BRINP3: variants seen among roughly 807,000 people sequenced by gnomAD.
BRINP3 encodes BMP/retinoic acid inducible neural specific 3.
In BRINP3, 19 loss-of-function variants were observed where a neutral mutation model predicts 71.0. The observed-to-expected ratio is 0.27, with a 90% CI of 0.19 to 0.39. The LOEUF (loss-of-function observed/expected upper bound fraction) is 0.39. Ranked by LOEUF, BRINP3 falls within the 10% of genes least tolerant of loss-of-function variation. The pLI is 1.00. For missense variants in BRINP3, 959 were observed against 940.8 expected, an observed-to-expected ratio of 1.02 and a Z score of -0.25; for synonymous variants, 380 against 337.7, an observed-to-expected ratio of 1.13 and a Z score of -1.37.
At chr1:190,334,104 T>G (rs1449102616) in intron 2 of BRINP3, among the ~76,000 whole-genome samples, 1 of 151,862 alleles carries the variant, frequency 6.6e-6, no homozygotes. Flanking sequence ...TAAATAAAAT[T>G]TGTTTAAATA....
At chr1:190,382,662 T>C (rs192040865) in intron 2 of BRINP3, among the ~76,000 whole-genome samples, 306 of 152,288 alleles carry the variant, frequency 2.0e-3, no homozygotes, top group African/African-American at 7.0e-3. Flanking sequence ...AGCTGTCCTT[T>C]ATCTGACAAT....
At chr1:190,345,872 T>G (rs1558201927) in intron 2 of BRINP3, among the ~76,000 whole-genome samples, 1 of 151,942 alleles carries the variant, frequency 6.6e-6, no homozygotes, top group Non-Finnish European at 1.5e-5. Flanking sequence ...CTTTCAGTCC[T>G]AAAATTGATT....
chr1:190,152,011 T>C (rs1043843523), intron 7 of BRINP3, among the ~76,000 whole-genome samples: 7 of 152,176 alleles, frequency 4.6e-5, no homozygotes, highest in African/African-American at 1.2e-4. Context: ...GTTTATTTCC[T>C]AATTGTAAAA....
chr1:190,273,227 A>G (rs1662266837), intron 3 of BRINP3, among the ~76,000 whole-genome samples: 1 of 151,548 alleles, frequency 6.6e-6, no homozygotes, highest in South Asian at 2.1e-4. Context: ...CAATGTTCAG[A>G]TTCGAAAACT....
At chr1:190,425,708 G>A (rs1038444288) in intron 2 of BRINP3, among the ~76,000 whole-genome samples, 1 of 151,780 alleles carries the variant, frequency 6.6e-6, no homozygotes, top group African/African-American at 2.4e-5. Context: ...CACGTACAAT[G>A]TTGCACAACA....
intron 6 of BRINP3, among the ~76,000 whole-genome samples, chr1:190,189,992 T>C (rs1653893431): frequency 6.6e-6 from 1 of 152,132 alleles, no homozygotes; most frequent in South Asian, 2.1e-4. Flanking sequence ...TTACAACAGT[T>C]GTGGCACTGA....
intron 2 of BRINP3, among the ~76,000 whole-genome samples, chr1:190,301,257 A>C (rs960436857): frequency 1.3e-4 from 18 of 143,534 alleles, no homozygotes; most frequent in African/African-American, 4.1e-4. Context: ...ATATATATAT[A>C]TCTTATCACA....
intron 7 of BRINP3, chr1:190,154,051 T>A (rs563458520): frequency 9.3e-5 from 89 of 957,800 alleles, no homozygotes; most frequent in Admixed American, 3.7e-4. Flanking sequence ...GGTTCTACAG[T>A]TCTTCACAAG....
chr1:190,476,000 A>G (rs1347164279), intron 1 of BRINP3: 1 of 152,360 alleles, frequency 6.6e-6, no homozygotes, highest in Non-Finnish European at 1.5e-5. Context: ...GAAAGAGACC[A>G]GGTAGAAACT....
chr1:190,402,561 T>A (rs1282745946), intron 2 of BRINP3, among the ~76,000 whole-genome samples: 1 of 152,082 alleles, frequency 6.6e-6, no homozygotes, highest in Non-Finnish European at 1.5e-5. Context: ...ACAGAACAGA[T>A]GAAAAAGTCC....
intron 2 of BRINP3, among the ~76,000 whole-genome samples, chr1:190,344,956 T>G (rs1481230011): frequency 6.6e-6 from 1 of 151,890 alleles, no homozygotes; most frequent in Non-Finnish European, 1.5e-5. Flanking sequence ...ACTATATAAT[T>G]GGCTTTAATA....
At chr1:190,303,977 TAA>T (rs1035077287) in intron 2 of BRINP3, among the ~76,000 whole-genome samples, 25 of 151,776 alleles carry the variant, frequency 1.6e-4, no homozygotes, top group African/African-American at 5.8e-4. Flanking sequence ...GCCATTCATA[TAA>T]AAGTTAGTCA....
intron 4 of BRINP3, 34 bp from the exon 5 acceptor site, chr1:190,234,511 T>C (rs1571447994): frequency 1.3e-6 from 2 of 1,511,622 alleles, no homozygotes; most frequent in Non-Finnish European, 1.8e-6. Flanking sequence ...ATTATCTAAA[T>C]CAGACTTTAC....
At chr1:190,452,485 C>T (rs1339066963) in intron 2 of BRINP3, among the ~76,000 whole-genome samples, 2 of 152,150 alleles carry the variant, frequency 1.3e-5, no homozygotes, top group Non-Finnish European at 2.9e-5. Flanking sequence ...TGCAAACAAA[C>T]CTCAGAGCAC....
At chr1:190,456,874 A>G (rs1185647720) in intron 1 of BRINP3, among the ~76,000 whole-genome samples, 1 of 152,178 alleles carries the variant, frequency 6.6e-6, no homozygotes, top group Non-Finnish European at 1.5e-5. Context: ...ATCATCTGAA[A>G]GGATGTGTTT....
intron 2 of BRINP3, among the ~76,000 whole-genome samples, chr1:190,340,049 A>T (rs906106863): frequency 6.6e-6 from 1 of 151,958 alleles, no homozygotes; most frequent in African/African-American, 2.4e-5. Flanking sequence ...GAGGAAAGAA[A>T]AAATAGCTAT....
intron 2 of BRINP3, among the ~76,000 whole-genome samples, chr1:190,301,201 A>ATG (rs1491194676): frequency 1.9e-4 from 4 of 21,144 alleles, no homozygotes; most frequent in African/African-American, 3.9e-4. Flanking sequence ...ATATATACAC[A>ATG]TACATATATA....
chr1:190,407,752 A>T (rs955817786), intron 2 of BRINP3, among the ~76,000 whole-genome samples: 1 of 152,160 alleles, frequency 6.6e-6, no homozygotes, highest in African/African-American at 2.4e-5. Flanking sequence ...CTAATAACTT[A>T]AAATAAAAGT....
intron 7 of BRINP3, among the ~76,000 whole-genome samples, chr1:190,152,072 TA>T (rs1169750063): frequency 6.6e-6 from 1 of 152,166 alleles, no homozygotes; most frequent in African/African-American, 2.4e-5. Flanking sequence ...AAAAGGGCTG[TA>T]GTATTCAAGA....
Sources: allele counts gnomAD v4.1 joint callset (sites outside exome capture counted in the v4.1 genomes callset), GRCh38; gene constraint gnomAD v4.1.1; transcripts MANE v1.5; gene names NCBI Gene and HGNC (gene_info 2026-07-23, HGNC 2026-07-21).